DUSP22: variants seen among roughly 807,000 people sequenced by gnomAD.
The protein encoded by DUSP22 is dual specificity protein phosphatase 22.
Under a neutral mutation model 24.5 loss-of-function variants are expected in DUSP22, and 24 were observed. The observed-to-expected ratio is 0.98, with a 90% CI of 0.71 to 1.38. The LOEUF (loss-of-function observed/expected upper bound fraction) is 1.38, where lower values mean the gene tolerates loss of function less well. Ranked by LOEUF, DUSP22 falls within the 40% of genes most tolerant of loss-of-function variation. The probability of loss-of-function intolerance (pLI) is 0.00; values close to 1 mark genes in which losing one functional copy is unlikely to be tolerated. For missense variants in DUSP22, 330 were observed against 269.2 expected (o/e 1.23, Z -1.58); for synonymous variants, 160 against 106.4 (o/e 1.50, Z -3.10).
At chr6:303,452 CA>C (rs1473279654) in intron 1 of DUSP22, among the ~76,000 whole-genome samples, 1 of 152,308 alleles carries the variant, frequency 6.6e-6, no homozygotes, top group Non-Finnish European at 1.5e-5. Context: ...AGACATGAGC[CA>C]TGGGTTTTTA....
intron 3 of DUSP22, among the ~76,000 whole-genome samples, chr6:318,334 C>A (rs1481965538): frequency 6.6e-6 from 1 of 152,308 alleles, no homozygotes; most frequent in East Asian, 1.9e-4. Context: ...TGTGGAAACG[C>A]TGTCACAGAC....
Position 348,899 on chromosome 6 carries a change from G to C in DUSP22, c.566G>C (p.Ser189Thr). ...CAGCCCGGCGCCAGGCGGTGGAGCA[G>C]TTTTCCGGCACTGGCTCCGCTGACC... ...EPQPGARRWSSFPALAPLTYD... is the reference protein window; with the variant it reads ...EPQPGARRWSTFPALAPLTYD... Residue 189 changes from serine (S) to threonine (T), a missense_variant, in exon 7 of 7, where the codon AGT becomes ACT. Coordinates refer to ENST00000419235, the MANE Select transcript of DUSP22 (RefSeq NM_001286555.3). The C allele has an allele frequency of 3.1e-6, 5 of 1,613,918 alleles. No individual in the cohort carries two copies. Among genetic ancestry groups the C allele is most frequent in the Non-Finnish European group, 4.2e-6 (5 of 1,179,856 alleles).
intron 3 of DUSP22, among the ~76,000 whole-genome samples, chr6:329,929 T>G (rs1000375363): frequency 6.6e-6 from 1 of 152,304 alleles, no homozygotes; most frequent in East Asian, 1.9e-4. Flanking sequence ...TTTTTTTTTT[T>G]TTCAGGGTCA....
rs1327778639 is a variant in DUSP22, at chr6:348,893, G to A, written c.560G>A (p.Trp187Ter). 5 of 1,614,068 alleles carry A rather than the reference G, an allele frequency of 3.1e-6. No individual in the cohort carries two copies. The highest frequency in any genetic ancestry group is 1.3e-5 in the African/African-American group (1 of 75,084). The change falls in exon 7 of 7, where the codon TGG (tryptophan) becomes TAG (stop). Residue 187 changes from tryptophan (W) to a stop codon, truncating the protein, a stop_gained. Coordinates refer to ENST00000419235, the MANE Select transcript of DUSP22 (RefSeq NM_001286555.3). LOFTEE classifies it high-confidence loss of function. ...RTEPQPGARR[W>*]SSFPALAPLT... ...GAGCCCCAGCCCGGCGCCAGGCGGT[G>A]GAGCAGTTTTCCGGCACTGGCTCCG...
At chr6:315,524 G>T (rs1758303276) in intron 3 of DUSP22, among the ~76,000 whole-genome samples, 1 of 152,308 alleles carries the variant, frequency 6.6e-6, no homozygotes, top group Non-Finnish European at 1.5e-5. Context: ...TGATGTTTCT[G>T]ATATCCTTAG....
intron 3 of DUSP22, among the ~76,000 whole-genome samples, chr6:317,241 C>T (rs571121628): frequency 2.2e-3 from 342 of 152,304 alleles, no homozygotes; most frequent in African/African-American, 7.8e-3. Flanking sequence ...CCTTTTTCCC[C>T]GGGTCAGTGC....
intron 3 of DUSP22, among the ~76,000 whole-genome samples, chr6:331,095 C>T (rs1430052571): frequency 1.3e-5 from 2 of 152,308 alleles, no homozygotes; most frequent in African/African-American, 4.8e-5. Flanking sequence ...GAAGCAAACA[C>T]AGAGCCCATT....
intron 2 of DUSP22, among the ~76,000 whole-genome samples, chr6:311,645 A>C (rs113309973): frequency 0.049 from 7,372 of 150,066 alleles, 11 homozygotes; most frequent in East Asian, 0.11. Context: ...GCGCCACTGC[A>C]CTCCAGCCTG....
intron 3 of DUSP22, among the ~76,000 whole-genome samples, chr6:312,852 TAATA>T (rs1758171238): frequency 6.6e-6 from 1 of 152,306 alleles, no homozygotes; most frequent in African/African-American, 2.4e-5. Flanking sequence ...GAATGTAGAA[TAATA>T]AATGATTCTA....
chr6:317,487 C>G (rs1017939287), intron 3 of DUSP22, among the ~76,000 whole-genome samples: 12 of 152,300 alleles, frequency 7.9e-5, no homozygotes, highest in Non-Finnish European at 1.5e-4. Flanking sequence ...CCCCTCCCTC[C>G]GAGCTCAGCC....
Position 349,698 on chromosome 6 carries a change from C to T in DUSP22, c.*747C>T, listed in dbSNP as rs1760091917. 3.0e-6 allele frequency: 3 copies of T among 986,062 alleles called. No individual in the cohort carries two copies. Among genetic ancestry groups the T allele is most frequent in the Non-Finnish European group, 2.4e-6 (2 of 830,316 alleles). The allele number at this position is 986,062 out of a possible 1,614,324, so 61.1% of individuals were successfully genotyped here. The stretch of plus-strand genomic sequence containing the variant: ...CCAACTCAGCATTTAAGGGAAGTAT[C>T]TTAGATTGCCTCCATCTCAATGTGA... On this transcript the variant is annotated 3_prime_UTR_variant, in exon 7 of 7. Transcript: ENST00000419235.
Position 350,831 on chromosome 6 carries a change from G to A in DUSP22, c.*1880G>A. 6.2e-7 allele frequency: 1 copy of A among 1,614,274 alleles called. No individual in the cohort carries two copies. The highest frequency in any genetic ancestry group is 8.5e-7 in the Non-Finnish European group (1 of 1,180,036). On this transcript the variant is annotated 3_prime_UTR_variant, in exon 7 of 7. Coordinates refer to ENST00000419235, the MANE Select transcript of DUSP22 (RefSeq NM_001286555.3). Reference sequence around the variant, plus strand: ...TGTTCTTTCTTCACAGCCGCTCCGGGAATTCTGAAGTTCTGGGCCTTTCTC... The same window carrying A: ...TGTTCTTTCTTCACAGCCGCTCCGGAAATTCTGAAGTTCTGGGCCTTTCTC...
intron 5 of DUSP22, 87 bp downstream of exon 5, chr6:346,015 G>T (rs1759853056): frequency 1.3e-6 from 2 of 1,517,300 alleles, no homozygotes; most frequent in Non-Finnish European, 1.8e-6. Flanking sequence ...GTGAATAATG[G>T]TTTCACCTCC....
Position 345,925 on chromosome 6 carries a change from A to AC in DUSP22, c.261dup (p.Cys88LeufsTer21), listed in dbSNP as rs1456730549. On this transcript the variant is annotated frameshift_variant, in exon 5 of 7. Coordinates refer to ENST00000419235, the MANE Select transcript of DUSP22 (RefSeq NM_001286555.3). LOFTEE classifies it high-confidence loss of function. ...CTCCGCGGTGAGAGCTGCCTTGTAC[A>AC]CTGGTACGTGTGTCTCTTGCTTAAT... The AC allele has an allele frequency of 6.2e-7, 1 of 1,614,210 alleles. No individual in the cohort carries two copies. Among genetic ancestry groups the AC allele is most frequent in the East Asian group, 2.2e-5 (1 of 44,890 alleles).
At position 303,526 on chromosome 6, in the gene DUSP22, C is replaced by T. The variant is rs569959748; in HGVS notation, c.22-1102C>T. ...TCAGCTAACATGAAGAACTGTACTA[C>T]AGGCTCTTTGGACTTCCTCAGTGGG... On this transcript the variant is annotated intron_variant, in intron 1 of 6. Transcript: ENST00000419235. Among the ~76,000 whole-genome samples, 6 of 152,418 alleles carry T rather than the reference C, an allele frequency of 3.9e-5. No individual in the cohort carries two copies. In the East Asian group the frequency reaches 7.7e-4, roughly 20 times the overall value.
chr6:309,258 G>A (rs916197076), intron 2 of DUSP22, among the ~76,000 whole-genome samples: 3 of 152,304 alleles, frequency 2.0e-5, no homozygotes, highest in African/African-American at 7.2e-5. Context: ...AGAGGACACT[G>A]CTATTATATT....
intron 3 of DUSP22, among the ~76,000 whole-genome samples, chr6:322,023 C>T (rs576938054): frequency 3.9e-3 from 600 of 152,246 alleles, no homozygotes; most frequent in Admixed American, 6.5e-3. Context: ...CTCGGCTGGA[C>T]GTGAAGATTT....
At chr6:328,667 A>C (rs1759000552) in intron 3 of DUSP22, among the ~76,000 whole-genome samples, 1 of 152,308 alleles carries the variant, frequency 6.6e-6, no homozygotes, top group South Asian at 2.1e-4. Flanking sequence ...TGCAGGAAGA[A>C]TCAGTGGCAA....
intron 2 of DUSP22, 145 bp downstream of exon 2, chr6:304,806 T>C: frequency 8.0e-7 from 1 of 1,249,388 alleles, no homozygotes; most frequent in Non-Finnish European, 1.2e-6. Flanking sequence ...GCAGGACTTT[T>C]CATGTTCCCA....
Sources: gnomAD v4.1 joint callset for allele counts (sites outside exome capture counted in the v4.1 genomes callset) on GRCh38, gnomAD v4.1.1 for gene constraint, MANE v1.5 for transcripts, NCBI Gene and HGNC (gene_info 2026-07-23, HGNC 2026-07-21) for gene names.